The following ZC3H3 variants were observed in gnomAD, a reference collection of about 807,000 sequenced individuals.
ZC3H3 encodes the protein zinc finger CCCH-type containing 3, also known as zinc finger CCCH domain-containing protein 3.
A neutral mutation model predicts 77.3 loss-of-function variants in ZC3H3; 36 were observed. The ratio of observed to expected loss-of-function variants is 0.47; its 90% CI spans 0.36 to 0.61. ZC3H3 has a LOEUF of 0.61. ZC3H3 is among the 20% of genes least tolerant of loss of function. The pLI is 0.00. For synonymous variants in ZC3H3, 626 were observed against 555.2 expected (o/e 1.13, Z -1.79); for missense variants, 1,331 against 1,312.2 (o/e 1.01, Z -0.22).
chr8:143,522,715 C>T (rs35831450), intron 3 of ZC3H3, among the ~76,000 whole-genome samples: 4,239 of 152,188 alleles, frequency 0.028, 179 homozygotes, highest in African/African-American at 0.096. Flanking sequence ...GCCCAGGAAT[C>T]GGAGACCAGC....
chr8:143,512,460 C>A (rs908884904), intron 3 of ZC3H3, among the ~76,000 whole-genome samples: 2 of 152,268 alleles, frequency 1.3e-5, no homozygotes, highest in Non-Finnish European at 1.5e-5. Flanking sequence ...GTTTCTGAGG[C>A]GGTGCCAACT....
chr8:143,502,540 A>G (rs1323311615), intron 4 of ZC3H3, among the ~76,000 whole-genome samples: 1 of 152,254 alleles, frequency 6.6e-6, no homozygotes, highest in Admixed American at 6.5e-5. Context: ...AAGGCAGCCC[A>G]GTGAGAGGCA....
chr8:143,443,410 C>A (rs2129794455), intron 9 of ZC3H3, among the ~76,000 whole-genome samples: 1 of 152,014 alleles, frequency 6.6e-6, no homozygotes. Flanking sequence ...ATTTCAAAGG[C>A]CTGAGACCTT....
chr8:143,437,875 A>T lies in ZC3H3; in HGVS notation c.*181T>A. The T allele has an allele frequency of 1.2e-6, 1 of 808,562 alleles. No homozygotes were observed. The highest frequency in any genetic ancestry group is 2.0e-6 in the Non-Finnish European group (1 of 509,778). 50.1% of individuals were successfully genotyped at this position (808,562 alleles called of 1,614,324 possible). ...GGGCCTGGCTTGGGGGAGGAAGACC[A>T]GGCCCTGCGCACACGCTGGTCATGG... On this transcript the variant is annotated 3_prime_UTR_variant, in exon 12 of 12. Coordinates refer to ENST00000262577, the MANE Select transcript of ZC3H3 (RefSeq NM_015117.3).
intron 4 of ZC3H3, among the ~76,000 whole-genome samples, chr8:143,481,649 C>T (rs1183591577): frequency 1.3e-5 from 2 of 152,264 alleles, no homozygotes; most frequent in African/African-American, 4.8e-5. Context: ...TGAAGGCAGA[C>T]AGGGACGATG....
intron 3 of ZC3H3, among the ~76,000 whole-genome samples, chr8:143,518,747 C>A (rs1822144084): frequency 6.6e-6 from 1 of 152,230 alleles, no homozygotes; most frequent in African/African-American, 2.4e-5. Context: ...CTCAGGGACA[C>A]TGGCCCGACC....
chr8:143,503,834 C>A (rs1028949459), intron 4 of ZC3H3, among the ~76,000 whole-genome samples: 4 of 152,198 alleles, frequency 2.6e-5, no homozygotes, highest in Non-Finnish European at 5.9e-5. Flanking sequence ...CCTCCATGTT[C>A]AGGTCCAGAG....
At chr8:143,528,559 C>T (rs1016983027) in intron 3 of ZC3H3, among the ~76,000 whole-genome samples, 6 of 152,210 alleles carry the variant, frequency 3.9e-5, no homozygotes, top group East Asian at 3.9e-4. Flanking sequence ...TGCTGGAGGC[C>T]GGGGATCGAG....
chr8:143,442,345 A>G (rs1819763423), intron 9 of ZC3H3, among the ~76,000 whole-genome samples: 1 of 144,392 alleles, frequency 6.9e-6, no homozygotes, highest in African/African-American at 2.6e-5. Flanking sequence ...GGGGCTCCTC[A>G]GGGGCCTGCG....
intron 3 of ZC3H3, among the ~76,000 whole-genome samples, chr8:143,525,648 C>T (rs578093512): frequency 6.6e-6 from 1 of 152,232 alleles, no homozygotes; most frequent in Non-Finnish European, 1.5e-5. Flanking sequence ...AGAGGGGGCT[C>T]CAGTCAAGGG....
rs375554507 is a variant in ZC3H3, at chr8:143,498,134, C to T, written c.1715+9612G>A. Among the ~76,000 whole-genome samples the T allele has an allele frequency of 2.3e-4, 35 of 152,300 alleles. No individual in the cohort carries two copies. In the East Asian group the frequency reaches 5.4e-3, roughly 24 times the overall value. ...CCGGGGCCCGGGGCAGGGGCTGTGT[C>T]ACGCAGCCTGCTACAGCCACCTGCC... On this transcript the variant is annotated intron_variant, in intron 4 of 11. Transcript: ENST00000262577.
intron 4 of ZC3H3, among the ~76,000 whole-genome samples, chr8:143,489,571 G>A (rs1020982537): frequency 6.6e-6 from 1 of 152,158 alleles, no homozygotes; most frequent in Non-Finnish European, 1.5e-5. Flanking sequence ...CCCCTGTCCC[G>A]CCCCAGGACC....
At chr8:143,478,397 C>CA (rs1237211494) in intron 4 of ZC3H3, among the ~76,000 whole-genome samples, 1 of 152,234 alleles carries the variant, frequency 6.6e-6, no homozygotes, top group African/African-American at 2.4e-5. Flanking sequence ...CTCTGGGGGT[C>CA]AGCAGGCACT....
At chr8:143,497,954 C>T (rs562402049) in intron 4 of ZC3H3, among the ~76,000 whole-genome samples, 6 of 152,210 alleles carry the variant, frequency 3.9e-5, no homozygotes, top group African/African-American at 4.8e-5. Context: ...CACCACAGCA[C>T]GAAGAGGCCC....
At chr8:143,448,259 T>TTGAACCTGGG (rs1334721642) in intron 9 of ZC3H3, among the ~76,000 whole-genome samples, 5 of 148,258 alleles carry the variant, frequency 3.4e-5, no homozygotes, top group Non-Finnish European at 7.4e-5. Flanking sequence ...TGAGCCAAGA[T>TTGAACCTGGG]AGCACCATTG....
At chr8:143,458,226 C>T (rs568368697) in intron 9 of ZC3H3, among the ~76,000 whole-genome samples, 1 of 152,370 alleles carries the variant, frequency 6.6e-6, no homozygotes, top group South Asian at 2.1e-4. Context: ...AAATTGACCA[C>T]TTAGATGAAA....
intron 10 of ZC3H3, 143 bp downstream of exon 10, chr8:143,440,793 C>G: frequency 9.8e-7 from 1 of 1,017,986 alleles, no homozygotes; most frequent in South Asian, 3.1e-5. Context: ...CATGTGATCC[C>G]CAGCCTTGGA....
At position 143,529,668 on chromosome 8, in the gene ZC3H3, G is replaced by A. The variant is rs572762612; in HGVS notation, c.1561+6589C>T. Among the ~76,000 whole-genome samples, 309 of 152,342 alleles carry A rather than the reference G, an allele frequency of 2.0e-3. 5 individuals carry two copies. Among genetic ancestry groups the A allele is most frequent in the Non-Finnish European group, 8.2e-4 (56 of 68,018 alleles). ...GGGGAGGCTGCCTTTGGCTTCACCAGGGCTAGAGGGTGAGACCCAGTATCC... is the reference window on the plus strand; with the variant it reads ...GGGGAGGCTGCCTTTGGCTTCACCAAGGCTAGAGGGTGAGACCCAGTATCC... On this transcript the variant is annotated intron_variant, in intron 3 of 11. Transcript: ENST00000262577.
At chr8:143,461,850 G>A (rs1217602438) in intron 9 of ZC3H3, among the ~76,000 whole-genome samples, 1 of 152,002 alleles carries the variant, frequency 6.6e-6, no homozygotes, top group Non-Finnish European at 1.5e-5. Flanking sequence ...TCTGGGGGGC[G>A]ATGAAAACAA....
Sources: gnomAD v4.1 joint callset for allele counts (sites outside exome capture counted in the v4.1 genomes callset) on GRCh38, gnomAD v4.1.1 for gene constraint, MANE v1.5 for transcripts, NCBI Gene and HGNC (gene_info 2026-07-23, HGNC 2026-07-21) for gene names.